Variants in DLGAP2 observed in about 807,000 individuals in gnomAD.
The protein encoded by DLGAP2 is disks large-associated protein 2.
Under a neutral mutation model 100.3 loss-of-function variants are expected in DLGAP2, and 26 were observed. That is an observed-to-expected ratio of 0.26 (90% CI 0.19 to 0.36). The LOEUF (loss-of-function observed/expected upper bound fraction) is 0.36, where lower values mean the gene tolerates loss of function less well. DLGAP2 is among the 10% of genes least tolerant of loss of function. The pLI is 1.00. For missense variants in DLGAP2, 1,858 were observed against 1,453.2 expected (o/e 1.28, Z -4.53); for synonymous variants, 886 against 630.1 (o/e 1.41, Z -6.08).
At chr8:1,465,394 G>C (rs1220234117) in intron 3 of DLGAP2, among the ~76,000 whole-genome samples, 1 of 152,074 alleles carries the variant, frequency 6.6e-6, no homozygotes, top group Non-Finnish European at 1.5e-5. Context: ...GAAGGGAAGA[G>C]ATGAGCAGAG....
chr8:920,474 C>T (rs1356688879), intron 2 of DLGAP2, among the ~76,000 whole-genome samples: 2 of 152,202 alleles, frequency 1.3e-5, no homozygotes, highest in Admixed American at 6.5e-5. Flanking sequence ...AAAAACAATT[C>T]AGCAGGCACA....
At position 1,095,099 on chromosome 8, in the gene DLGAP2, G is replaced by A. The variant is rs140372448; in HGVS notation, c.74-163752G>A. On this transcript the variant is annotated intron_variant, in intron 2 of 14. Transcript: ENST00000637795. The stretch of plus-strand genomic sequence containing the variant: ...GGGTGGAGTGAGACAGCCTGGGGCA[G>A]CAGCCTGCGCTGGCATGGACCACCT... Among the ~76,000 whole-genome samples the A allele has an allele frequency of 1.1e-4, 16 of 140,646 alleles. No homozygotes were observed. In the East Asian group the frequency reaches 1.7e-3, roughly 15 times the overall value. 92.3% of individuals were successfully genotyped at this position (140,646 alleles called of 152,430 possible).
chr8:786,712 G>C (rs1821877495), intron 1 of DLGAP2, among the ~76,000 whole-genome samples: 1 of 152,132 alleles, frequency 6.6e-6, no homozygotes, highest in African/African-American at 2.4e-5. Context: ...TGAGAAGGGA[G>C]AGTTTCCCTG....
intron 2 of DLGAP2, among the ~76,000 whole-genome samples, chr8:1,096,934 GC>G: frequency 7.0e-6 from 1 of 143,308 alleles, no homozygotes; most frequent in East Asian, 2.2e-4. Context: ...GGAGCTGGGA[GC>G]CCGGGGCAGG....
At chr8:926,183 C>G (rs190230977) in intron 2 of DLGAP2, among the ~76,000 whole-genome samples, 96 of 152,214 alleles carry the variant, frequency 6.3e-4, no homozygotes, top group African/African-American at 2.3e-3. Context: ...TACATGAAGC[C>G]GACTTCCAGA....
intron 3 of DLGAP2, among the ~76,000 whole-genome samples, chr8:1,270,720 G>C (rs200614508): frequency 7.3e-6 from 1 of 137,122 alleles, no homozygotes. Context: ...GTGTGTGTGT[G>C]TCTCCCTCTC....
At chr8:1,700,196 G>T (rs1230174412) in intron 14 of DLGAP2, among the ~76,000 whole-genome samples, 1 of 152,208 alleles carries the variant, frequency 6.6e-6, no homozygotes, top group African/African-American at 2.4e-5. Flanking sequence ...GCACCTCTGG[G>T]CTCCCTTTGG....
At chr8:1,443,552 G>C (rs1450394828) in intron 3 of DLGAP2, among the ~76,000 whole-genome samples, 1 of 152,182 alleles carries the variant, frequency 6.6e-6, no homozygotes, top group Admixed American at 6.5e-5. Flanking sequence ...CCTGAGACTG[G>C]GTAATTTATA....
chr8:979,118 G>C (rs13253612), intron 2 of DLGAP2, among the ~76,000 whole-genome samples: 61,633 of 151,922 alleles, frequency 0.41, 13,187 homozygotes, highest in Admixed American at 0.55. Context: ...GGGATGGCGA[G>C]TGCAGTTCTT....
chr8:1,048,500 GC>G (rs1802578195), intron 2 of DLGAP2, among the ~76,000 whole-genome samples: 1 of 151,834 alleles, frequency 6.6e-6, no homozygotes, highest in Non-Finnish European at 1.5e-5. Context: ...TGTGGGGTGG[GC>G]CCTGCTATAC....
At chr8:1,195,473 T>G (rs995058118) in intron 2 of DLGAP2, among the ~76,000 whole-genome samples, 2 of 152,216 alleles carry the variant, frequency 1.3e-5, no homozygotes, top group African/African-American at 2.4e-5. Flanking sequence ...GAAAACTGTT[T>G]TCAGAAAGCA....
intron 1 of DLGAP2, among the ~76,000 whole-genome samples, chr8:787,464 C>T (rs1385990009): frequency 6.6e-6 from 1 of 152,252 alleles, no homozygotes; most frequent in African/African-American, 2.4e-5. Context: ...TTCTCCACGC[C>T]TGTGCCTGTT....
intron 1 of DLGAP2, among the ~76,000 whole-genome samples, chr8:906,514 G>T (rs1168540659): frequency 6.6e-6 from 1 of 152,216 alleles, no homozygotes; most frequent in East Asian, 1.9e-4. Context: ...GCCCTCGAAG[G>T]CGTCAAACCC....
rs376146528 is a variant in DLGAP2 at position 1,617,823 on chromosome 8, T to C, written c.1443-8917T>C. Among the ~76,000 whole-genome samples the C allele has an allele frequency of 1.2e-4, 19 of 152,268 alleles. No homozygotes were observed. In the South Asian group the frequency reaches 3.9e-3, roughly 32 times the overall value. Reference sequence around the variant, plus strand: ...ACGAGCTAAAGCTCAATGTTAAAAATATTTGATTAACCCAAAAGAAAGCAA... The same window carrying C: ...ACGAGCTAAAGCTCAATGTTAAAAACATTTGATTAACCCAAAAGAAAGCAA... On this transcript the variant is annotated intron_variant, in intron 6 of 14. Transcript: ENST00000637795.
At chr8:1,496,906 C>T (rs1799565206) in intron 3 of DLGAP2, among the ~76,000 whole-genome samples, 1 of 152,188 alleles carries the variant, frequency 6.6e-6, no homozygotes, top group Admixed American at 6.5e-5. Flanking sequence ...GACCTTGCTA[C>T]AGCTCCCCCA....
chr8:1,088,144 G>A (rs1804038964), intron 2 of DLGAP2, among the ~76,000 whole-genome samples: 2 of 152,252 alleles, frequency 1.3e-5, no homozygotes, highest in Non-Finnish European at 2.9e-5. Context: ...CAAGGCGGCT[G>A]CTGGTCCACC....
intron 2 of DLGAP2, among the ~76,000 whole-genome samples, chr8:1,048,449 G>A (rs1802576468): frequency 1.3e-5 from 2 of 151,992 alleles, no homozygotes; most frequent in African/African-American, 4.8e-5. Context: ...AGGTAGCGAC[G>A]GCATCGTCTG....
intron 1 of DLGAP2, among the ~76,000 whole-genome samples, chr8:793,179 G>T (rs186874783): frequency 6.6e-6 from 1 of 152,036 alleles, no homozygotes; most frequent in Admixed American, 6.6e-5. Context: ...GAGTCTCTTT[G>T]TTCACATCTG....
intron 2 of DLGAP2, among the ~76,000 whole-genome samples, chr8:1,186,184 G>A (rs562948122): frequency 1.3e-5 from 2 of 152,374 alleles, no homozygotes; most frequent in South Asian, 2.1e-4. Context: ...CCAGGATTGC[G>A]ATGGGTCGGT....
Sources: allele counts gnomAD v4.1 joint callset (sites outside exome capture counted in the v4.1 genomes callset), GRCh38; gene constraint gnomAD v4.1.1; transcripts MANE v1.5; gene names NCBI Gene and HGNC (gene_info 2026-07-23, HGNC 2026-07-21).